Variants in ADGRE3 observed in about 807,000 individuals in gnomAD.
The protein encoded by ADGRE3 is EGF-like module receptor 3.
In ADGRE3, 88 loss-of-function variants were observed where a neutral mutation model predicts 80.1. The observed-to-expected ratio is 1.10, with a 90% CI of 0.93 to 1.31. ADGRE3 has a LOEUF of 1.31. Among genes scored for constraint, ADGRE3 ranks in the 40% most tolerant of loss-of-function variants. The probability of loss-of-function intolerance (pLI) is 0.00; values close to 1 mark genes in which losing one functional copy is unlikely to be tolerated. For missense variants in ADGRE3, 715 were observed against 776.5 expected (o/e 0.92, Z 0.94); for synonymous variants, 281 against 294.8 (o/e 0.95, Z 0.48).
chr19:14,626,928 C>A (rs1028061068), intron 14 of ADGRE3, among the ~76,000 whole-genome samples: 1 of 152,172 alleles, frequency 6.6e-6, no homozygotes. Context: ...ATGGGCCAGG[C>A]GTGTCCTGTG....
chr19:14,647,411 T>TTTC, intron 7 of ADGRE3, 46 bp from the exon 8 acceptor site: 1 of 97,018 alleles, frequency 1.0e-5, no homozygotes, highest in Non-Finnish European at 1.7e-5. Context: ...CTTTTCTTTC[T>TTTC]TTTTTTTTTT....
intron 10 of ADGRE3, among the ~76,000 whole-genome samples, chr19:14,640,779 G>T (rs1362429555): frequency 6.6e-6 from 1 of 152,076 alleles, no homozygotes; most frequent in Non-Finnish European, 1.5e-5. Context: ...TCCCCATATT[G>T]TTCTCGTGGT....
Position 14,644,107 on chromosome 19 carries a change from C to G in ADGRE3, c.1050+1G>C. On this transcript the variant is annotated splice_donor_variant, in intron 9 of 15. Transcript: ENST00000253673. LOFTEE classifies it high-confidence loss of function. ...GGAAGAATAAAACATATACATCATA[C>G]CTGGCTGGTCAGGGCCATCAGGACA... 1 of 1,513,462 alleles carries G rather than the reference C, an allele frequency of 6.6e-7. No homozygotes were observed. The highest frequency in any genetic ancestry group is 2.5e-5 in the East Asian group (1 of 40,210). The allele number at this position is 1,513,462 out of a possible 1,614,324, so 93.8% of individuals were successfully genotyped here. A position where few individuals can be genotyped will look rare whatever the true frequency, so the allele number is the denominator to read the frequency against.
At chr19:14,660,323 G>A (rs1013191689) in intron 4 of ADGRE3, among the ~76,000 whole-genome samples, 7 of 152,170 alleles carry the variant, frequency 4.6e-5, no homozygotes, top group Admixed American at 2.0e-4. Context: ...GGTGCGCATT[G>A]CTTAGTAAAA....
downstream of ADGRE3, among the ~76,000 whole-genome samples, chr19:14,614,459 G>T (rs1753495879): frequency 6.6e-6 from 1 of 152,130 alleles, no homozygotes; most frequent in African/African-American, 2.4e-5. Context: ...GGGAGCAACA[G>T]TTGGATAAAA....
chr19:14,621,200 C>T (rs952248216), intron 15 of ADGRE3, among the ~76,000 whole-genome samples: 1 of 152,012 alleles, frequency 6.6e-6, no homozygotes, highest in African/African-American at 2.4e-5. Flanking sequence ...CACCTGTAAT[C>T]TCAGCACTTT....
intron 10 of ADGRE3, among the ~76,000 whole-genome samples, chr19:14,639,579 A>AT (rs980502116): frequency 1.6e-4 from 24 of 151,450 alleles, no homozygotes; most frequent in South Asian, 6.3e-4. Context: ...TAATTTTGTT[A>AT]TTTTTTTTGT....
rs766180743 is a variant in ADGRE3 at position 14,663,512 on chromosome 19, A to G, written c.105T>C (p.Ala35=). The G allele has an allele frequency of 5.6e-6, 9 of 1,613,302 alleles. No homozygotes were observed. In the Admixed American group the frequency reaches 6.7e-5, roughly 12 times the overall value. ...TGCAGTGAGTGTTATTGACACAGGA[A>G]GCATTTGGGGGGCACTTAGCACAGG... ...KTSCAKCPPN[A]SCVNNTHCTC... Residue 35 remains alanine, a synonymous_variant, in exon 3 of 16, where the codon GCT becomes GCC. Coordinates refer to ENST00000253673, the MANE Select transcript of ADGRE3 (RefSeq NM_032571.5).
chr19:14,629,143 C>G (rs1970810555), intron 14 of ADGRE3, among the ~76,000 whole-genome samples: 1 of 152,106 alleles, frequency 6.6e-6, no homozygotes. Flanking sequence ...AGGCTGGTCT[C>G]AAACTCCTGA....
intron 11 of ADGRE3, among the ~76,000 whole-genome samples, chr19:14,637,393 C>CTTT (rs34233724): frequency 5.6e-4 from 72 of 127,576 alleles, no homozygotes; most frequent in African/African-American, 1.7e-3. Flanking sequence ...TTTTTAAGCT[C>CTTT]TTTTTTTTTT....
chr19:14,661,865 A>G lies in ADGRE3; in HGVS notation c.355+98T>C, dbSNP rs759928270. 416 of 1,348,186 alleles carry G rather than the reference A, an allele frequency of 3.1e-4. 1 individual carries two copies. Among genetic ancestry groups the G allele is most frequent in the Non-Finnish European group, 3.8e-4 (369 of 960,460 alleles). 83.5% of individuals were successfully genotyped at this position (1,348,186 alleles called of 1,614,324 possible). A position where few individuals can be genotyped will look rare whatever the true frequency, so the allele number is the denominator to read the frequency against. On this transcript the variant is annotated intron_variant, in intron 4 of 15. Coordinates refer to ENST00000253673, the MANE Select transcript of ADGRE3 (RefSeq NM_032571.5). ...CAGCCACTGCACTCCAGCCTGGGCT[A>G]CAGAGCGAGACTCTGTCTCAAAACA... is the stretch of plus-strand genomic sequence containing the variant.
chr19:14,665,095 G>A lies in ADGRE3; in HGVS notation c.77-1555C>T, dbSNP rs796792757. ...TTTTTTTTTTTTGAGACAGAGTCTCGCTCTGTTGCCCAGGCCGGAGTGCAG... is the reference window on the plus strand; with the variant it reads ...TTTTTTTTTTTTGAGACAGAGTCTCACTCTGTTGCCCAGGCCGGAGTGCAG... On this transcript the variant is annotated intron_variant, in intron 2 of 15. Transcript: ENST00000253673. Among the ~76,000 whole-genome samples, 128 of 121,322 alleles carry A rather than the reference G, an allele frequency of 1.1e-3. 1 individual carries two copies. The highest frequency in any genetic ancestry group is 3.9e-3 in the African/African-American group (119 of 30,264). The allele number at this position is 121,322 out of a possible 152,430, so 79.6% of individuals were successfully genotyped here.
chr19:14,639,028 A>G (rs1971177332), intron 10 of ADGRE3, among the ~76,000 whole-genome samples: 1 of 151,940 alleles, frequency 6.6e-6, no homozygotes, highest in Non-Finnish European at 1.5e-5. Context: ...CAGCCTCCCT[A>G]GTAGCTGGGA....
intron 4 of ADGRE3, among the ~76,000 whole-genome samples, chr19:14,660,196 T>C (rs924868759): frequency 6.6e-6 from 1 of 152,180 alleles, no homozygotes; most frequent in South Asian, 2.1e-4. Flanking sequence ...GGTGCAGACC[T>C]CTTAACATTA....
rs1491123272 is a variant in ADGRE3 at position 14,636,167 on chromosome 19, CT to C, written c.1484+1937del. On this transcript the variant is annotated intron_variant, in intron 11 of 15. Transcript: ENST00000253673. ...CTTTCTTTCTTCCTTTCCTCCTTTCCTTTCCTTTCCTTCCTCTTTCTTTCTT... is the reference window on the plus strand; with the variant it reads ...CTTTCTTTCTTCCTTTCCTCCTTTCCTTCCTTTCCTTCCTCTTTCTTTCTT... 8.8e-4 allele frequency among the ~76,000 whole-genome samples: 26 copies of C among 29,570 alleles called. 1 individual carries two copies. Among genetic ancestry groups the C allele is most frequent in the African/African-American group, 1.0e-3 (8 of 7,856 alleles). 19.4% of individuals were successfully genotyped at this position (29,570 alleles called of 152,430 possible).
At chr19:14,645,883 A>T (rs1971386043) in intron 8 of ADGRE3, among the ~76,000 whole-genome samples, 1 of 152,002 alleles carries the variant, frequency 6.6e-6, no homozygotes, top group African/African-American at 2.4e-5. Flanking sequence ...GAAGTGGGAG[A>T]GTCCCTTGAG....
At chr19:14,665,978 A>ATG (rs1568500899) in intron 2 of ADGRE3, among the ~76,000 whole-genome samples, 4 of 128,248 alleles carry the variant, frequency 3.1e-5, no homozygotes, top group African/African-American at 1.2e-4. Flanking sequence ...ATATATATAT[A>ATG]GTGTTTTCTT....
At chr19:14,602,018 T>C in the ADGRE3 span, among the ~76,000 whole-genome samples, 1 of 152,026 alleles carries the variant, frequency 6.6e-6, no homozygotes, top group East Asian at 1.9e-4. Flanking sequence ...GGTCTCGATC[T>C]CCTGACCTGG....
Position 14,655,090 on chromosome 19 carries a change from T to C in ADGRE3, c.469A>G (p.Ile157Val). The C allele has an allele frequency of 6.2e-7, 1 of 1,614,148 alleles. No individual in the cohort carries two copies. The change falls in exon 6 of 16, where the codon ATC becomes GTC. Residue 157 changes from isoleucine (I) to valine (V), a missense_variant. Coordinates refer to ENST00000253673, the MANE Select transcript of ADGRE3 (RefSeq NM_032571.5). Reference sequence around the variant, plus strand: ...AGAATAGTGGTAGCTGTGGATGAGATTTCTTGTCTCCCTTCTGTTCTCCAT... The same window carrying C: ...AGAATAGTGGTAGCTGTGGATGAGACTTCTTGTCTCCCTTCTGTTCTCCAT... ...TLWRTEGRQEISSTATTILRD... is the reference protein window; with the variant it reads ...TLWRTEGRQEVSSTATTILRD...
Sources: allele counts gnomAD v4.1 joint callset (sites outside exome capture counted in the v4.1 genomes callset), GRCh38; gene constraint gnomAD v4.1.1; transcripts MANE v1.5; gene names NCBI Gene and HGNC (gene_info 2026-07-23, HGNC 2026-07-21).